The following KCNK9 variants were observed in gnomAD, a reference collection of about 807,000 sequenced individuals.
KCNK9 encodes potassium two pore domain channel subfamily K member 9.
KCNK9 carries 1 observed loss-of-function variant against 10.8 expected under a neutral mutation model. The observed-to-expected ratio is 0.09, with a 90% confidence interval of 0.03 to 0.44. The LOEUF (loss-of-function observed/expected upper bound fraction) is 0.44, where lower values mean the gene tolerates loss of function less well. Ranked by LOEUF, KCNK9 falls within the 20% of genes least tolerant of loss-of-function variation. The pLI is 0.97. For missense variants in KCNK9, 303 were observed against 515.0 expected (o/e 0.59, Z 3.98); for synonymous variants, 231 against 222.7 (o/e 1.04, Z -0.33).
intron 1 of KCNK9, among the ~76,000 whole-genome samples, chr8:139,681,618 G>A (rs1306653550): frequency 6.6e-6 from 1 of 152,180 alleles, no homozygotes; most frequent in East Asian, 1.9e-4. Flanking sequence ...CTGTGCTGAG[G>A]GGCTGCAGGT....
chr8:139,638,542 G>C (rs1429017739), intron 1 of KCNK9, among the ~76,000 whole-genome samples: 1 of 152,222 alleles, frequency 6.6e-6, no homozygotes, highest in East Asian at 1.9e-4. Context: ...AAACAGGGCT[G>C]GTGAGGAGAG....
chr8:139,605,643 A>C (rs116688787), intron 2 of KCNK9, among the ~76,000 whole-genome samples: 98 of 152,372 alleles, frequency 6.4e-4, no homozygotes, highest in African/African-American at 2.1e-3. Flanking sequence ...AACGTGCCAT[A>C]GAGATTTTAA....
intron 1 of KCNK9, among the ~76,000 whole-genome samples, chr8:139,659,551 A>G (rs1816100185): frequency 6.6e-6 from 1 of 151,998 alleles, no homozygotes; most frequent in African/African-American, 2.4e-5. Flanking sequence ...TCGCTCTGTC[A>G]CCCAGGCTGG....
At chr8:139,673,069 G>C (rs902744945) in intron 1 of KCNK9, among the ~76,000 whole-genome samples, 2 of 152,220 alleles carry the variant, frequency 1.3e-5, no homozygotes, top group Non-Finnish European at 2.9e-5. Context: ...CGAGAGGCAA[G>C]AAGGTCCTCA....
intron 1 of KCNK9, among the ~76,000 whole-genome samples, chr8:139,680,323 T>G (rs1436063222): frequency 6.6e-6 from 1 of 152,110 alleles, no homozygotes; most frequent in African/African-American, 2.4e-5. Flanking sequence ...GAGGCTCACT[T>G]TCCACCTCCC....
intron 1 of KCNK9, among the ~76,000 whole-genome samples, chr8:139,690,905 A>T (rs768680887): frequency 2.6e-5 from 4 of 152,172 alleles, no homozygotes; most frequent in African/African-American, 4.8e-5. Context: ...ACTAGATTGC[A>T]CCCAGGTCAA....
At chr8:139,615,573 C>A (rs1814562973), downstream of KCNK9, among the ~76,000 whole-genome samples, 1 of 152,038 alleles carries the variant, frequency 6.6e-6, no homozygotes, top group South Asian at 2.1e-4. Context: ...CCTCCATCCC[C>A]TAAATACTGA....
rs574478589 is a variant in KCNK9 at position 139,625,404 on chromosome 8, C to T, written c.284-6305G>A. ...CAGCCTGGGTCACCTTGGGCCAGACCGTGAGCTCCCGAGGAGAGCAGAGCC... is the reference window on the plus strand; with the variant it reads ...CAGCCTGGGTCACCTTGGGCCAGACTGTGAGCTCCCGAGGAGAGCAGAGCC... On this transcript the variant is annotated intron_variant, in intron 1 of 1. Transcript: ENST00000520439. Among the ~76,000 whole-genome samples the T allele has an allele frequency of 2.6e-4, 40 of 152,344 alleles. No homozygotes were observed. In the Middle Eastern group the frequency reaches 0.01, roughly 39 times the overall value.
At chr8:139,607,525 G>A (rs1814264763) in intron 2 of KCNK9, among the ~76,000 whole-genome samples, 1 of 152,166 alleles carries the variant, frequency 6.6e-6, no homozygotes, top group South Asian at 2.1e-4. Flanking sequence ...TGGTTCCCTG[G>A]AGCATGCTCC....
chr8:139,645,337 C>A (rs1427144160), intron 1 of KCNK9, among the ~76,000 whole-genome samples: 4 of 152,168 alleles, frequency 2.6e-5, no homozygotes, highest in Admixed American at 2.6e-4. Context: ...CTCAAGGATT[C>A]AGTTCTAGAC....
intron 1 of KCNK9, among the ~76,000 whole-genome samples, chr8:139,621,962 G>C (rs535775375): frequency 1.3e-5 from 2 of 152,288 alleles, no homozygotes; most frequent in Admixed American, 1.3e-4. Context: ...CTGCATACCA[G>C]GTGCCAGGGT....
chr8:139,686,099 T>C lies in KCNK9; in HGVS notation c.283+16611A>G, dbSNP rs1264899347. Among the ~76,000 whole-genome samples the C allele has an allele frequency of 2.0e-5, 3 of 152,138 alleles. 1 individual carries two copies. Among genetic ancestry groups the C allele is most frequent in the African/African-American group, 7.2e-5 (3 of 41,416 alleles). On this transcript the variant is annotated intron_variant, in intron 1 of 1. Coordinates refer to ENST00000520439, the MANE Select transcript of KCNK9 (RefSeq NM_001282534.2). ...AACTGGATCCCTTCCTTACACCTTA[T>C]ACAAAAATTAACTCAAGATGGATTA...
At chr8:139,616,740 C>T (rs1814601722), downstream of KCNK9, 5 of 152,126 alleles carry the variant, frequency 3.3e-5, no homozygotes, top group Admixed American at 3.3e-4. Flanking sequence ...CCATGAACTT[C>T]ATTTACAAAA....
At chr8:139,658,982 G>C (rs1034711651) in intron 1 of KCNK9, among the ~76,000 whole-genome samples, 1 of 152,104 alleles carries the variant, frequency 6.6e-6, no homozygotes, top group Non-Finnish European at 1.5e-5. Context: ...GCCCAGGAAA[G>C]CTCCCAGAAG....
At chr8:139,677,263 G>C (rs1170382980) in intron 1 of KCNK9, among the ~76,000 whole-genome samples, 2 of 152,262 alleles carry the variant, frequency 1.3e-5, no homozygotes, top group Non-Finnish European at 2.9e-5. Flanking sequence ...TCACCTGTGG[G>C]GGTGTGCACC....
intron 1 of KCNK9, among the ~76,000 whole-genome samples, chr8:139,663,648 CGT>C (rs34660685): frequency 0.012 from 1,712 of 137,540 alleles, 24 homozygotes; most frequent in African/African-American, 0.027. Flanking sequence ...CGCGTGCGCA[CGT>C]GTGTGTGTGT....
Position 139,635,506 on chromosome 8 carries a change from T to C in KCNK9, c.284-16407A>G, listed in dbSNP as rs375602048. ...TGGTGAGCCCACCTCATGTATCAGC[T>C]ATTTGACCTTGGGCAAGTCACCTAA... On this transcript the variant is annotated intron_variant, in intron 1 of 1. Coordinates refer to ENST00000520439, the MANE Select transcript of KCNK9 (RefSeq NM_001282534.2). 1.2e-3 allele frequency among the ~76,000 whole-genome samples: 182 copies of C among 152,328 alleles called. 1 individual carries two copies. The highest frequency in any genetic ancestry group is 4.1e-3 in the African/African-American group (171 of 41,570).
At chr8:139,685,866 C>T (rs1324749569) in intron 1 of KCNK9, among the ~76,000 whole-genome samples, 5 of 152,168 alleles carry the variant, frequency 3.3e-5, no homozygotes. Flanking sequence ...ATACTGTCTT[C>T]TACAATGGTT....
intron 1 of KCNK9, among the ~76,000 whole-genome samples, chr8:139,628,417 C>G (rs1815045468): frequency 6.6e-6 from 1 of 152,258 alleles, no homozygotes; most frequent in Non-Finnish European, 1.5e-5. Flanking sequence ...TCTAAGGCCC[C>G]TTCCCACAAT....
Sources: allele counts gnomAD v4.1 joint callset (sites outside exome capture counted in the v4.1 genomes callset), GRCh38; gene constraint gnomAD v4.1.1; transcripts MANE v1.5; gene names NCBI Gene and HGNC (gene_info 2026-07-23, HGNC 2026-07-21).